Variants in CSMD1 observed in about 807,000 individuals in gnomAD.
CSMD1 encodes the protein CUB and Sushi multiple domains 1.
In CSMD1, 213 loss-of-function variants were observed where a neutral mutation model predicts 417.5. The ratio of observed to expected loss-of-function variants is 0.51; its 90% CI spans 0.46 to 0.57. CSMD1 has a LOEUF of 0.57. Ranked by LOEUF, CSMD1 falls within the 20% of genes least tolerant of loss-of-function variation. The pLI, the probability that CSMD1 is intolerant of heterozygous loss-of-function variation, is 0.00. For synonymous variants in CSMD1, 2,862 were observed against 1,736.8 expected, an observed-to-expected ratio of 1.65 and a Z score of -16.11; for missense variants, 6,923 against 4,529.7, an observed-to-expected ratio of 1.53 and a Z score of -15.17.
At chr8:4,046,886 T>A (rs1278340116) in intron 3 of CSMD1, among the ~76,000 whole-genome samples, 1 of 152,052 alleles carries the variant, frequency 6.6e-6, no homozygotes. Flanking sequence ...AATGTGACAA[T>A]GAGGCCATCT....
intron 25 of CSMD1, among the ~76,000 whole-genome samples, chr8:3,298,911 T>C (rs1411476091): frequency 1.3e-5 from 2 of 152,206 alleles, no homozygotes; most frequent in African/African-American, 4.8e-5. Flanking sequence ...ATGGGGGTGT[T>C]TCTTTTGTGA....
intron 1 of CSMD1, among the ~76,000 whole-genome samples, chr8:4,749,095 G>T (rs1811144157): frequency 6.6e-6 from 1 of 152,210 alleles, no homozygotes; most frequent in Non-Finnish European, 1.5e-5. Context: ...TGCCCATGCA[G>T]TCTCCACTCG....
At chr8:3,946,215 AC>A (rs1811214477) in intron 5 of CSMD1, among the ~76,000 whole-genome samples, 1 of 152,176 alleles carries the variant, frequency 6.6e-6, no homozygotes, top group Non-Finnish European at 1.5e-5. Flanking sequence ...GTTCTAAATG[AC>A]TTGATCTTCC....
At chr8:3,637,555 T>A (rs1362847244) in intron 7 of CSMD1, among the ~76,000 whole-genome samples, 1 of 152,208 alleles carries the variant, frequency 6.6e-6, no homozygotes, top group Non-Finnish European at 1.5e-5. Flanking sequence ...TTTGCTTTTT[T>A]CCTATTTTTT....
intron 69 of CSMD1, among the ~76,000 whole-genome samples, chr8:2,941,502 G>C (rs1563166432): frequency 6.6e-6 from 1 of 152,104 alleles, no homozygotes. Context: ...AGAGTAGTTT[G>C]GCATTTCCAG....
At chr8:3,108,835 T>C (rs1816320274) in intron 43 of CSMD1, 87 bp from the exon 44 acceptor site, 2 of 1,336,132 alleles carry the variant, frequency 1.5e-6, no homozygotes, top group East Asian at 2.5e-5. Flanking sequence ...ATTAATTTTT[T>C]TAATAAAAGC....
intron 1 of CSMD1, among the ~76,000 whole-genome samples, chr8:4,865,793 C>G (rs1444027210): frequency 1.3e-5 from 2 of 151,786 alleles, no homozygotes; most frequent in South Asian, 2.1e-4. Context: ...TATGCATTGC[C>G]CAGTTTTTTA....
At chr8:3,411,564 T>C (rs1038103916) in intron 12 of CSMD1, among the ~76,000 whole-genome samples, 2 of 151,520 alleles carry the variant, frequency 1.3e-5, no homozygotes, top group African/African-American at 4.9e-5. Flanking sequence ...CATTCCTGGG[T>C]TACTTCACTT....
chr8:3,620,462 A>T (rs1802369734), intron 7 of CSMD1, among the ~76,000 whole-genome samples: 1 of 152,194 alleles, frequency 6.6e-6, no homozygotes, highest in Admixed American at 6.5e-5. Flanking sequence ...TAAAATAATT[A>T]TGCATTTACG....
chr8:2,999,418 T>G (rs1456157779), intron 53 of CSMD1, among the ~76,000 whole-genome samples: 1 of 152,134 alleles, frequency 6.6e-6, no homozygotes, highest in Non-Finnish European at 1.5e-5. Flanking sequence ...CCTCCCAAAG[T>G]GCTGGGATTA....
Position 3,801,480 on chromosome 8 carries a change from G to T in CSMD1, c.819-47438C>A, listed in dbSNP as rs1053825140. ...CACTGGACAGATGATAATAGGCACT[G>T]GCAAGGATGTAGAGAATTGGAACCC... On this transcript the variant is annotated intron_variant, in intron 5 of 69. Coordinates refer to ENST00000635120, the MANE Select transcript of CSMD1 (RefSeq NM_033225.6). Among the ~76,000 whole-genome samples the T allele has an allele frequency of 3.3e-5, 5 of 152,120 alleles. No individual in the cohort carries two copies. In the South Asian group the frequency reaches 6.2e-4, roughly 19 times the overall value.
chr8:3,657,763 A>G (rs1436224083), intron 7 of CSMD1, among the ~76,000 whole-genome samples: 2 of 152,122 alleles, frequency 1.3e-5, no homozygotes, highest in African/African-American at 2.4e-5. Context: ...GTTGATGGGC[A>G]CAGCAAACCA....
At chr8:4,041,093 T>G (rs576747778) in intron 3 of CSMD1, among the ~76,000 whole-genome samples, 1 of 142,846 alleles carries the variant, frequency 7.0e-6, no homozygotes, top group African/African-American at 2.6e-5. Context: ...CTCGGCTCAC[T>G]GCAAGCTCCG....
At chr8:4,115,025 G>C (rs142063789) in intron 3 of CSMD1, among the ~76,000 whole-genome samples, 1 of 152,188 alleles carries the variant, frequency 6.6e-6, no homozygotes, top group African/African-American at 2.4e-5. Flanking sequence ...CAGAAGCATG[G>C]TTTGAAAGAA....
chr8:3,951,393 A>C (rs1811590798), intron 5 of CSMD1, among the ~76,000 whole-genome samples: 1 of 152,228 alleles, frequency 6.6e-6, no homozygotes, highest in African/African-American at 2.4e-5. Context: ...AAATGAATGC[A>C]AAAGGCATTT....
At chr8:4,248,152 G>GA (rs1221615109) in intron 3 of CSMD1, among the ~76,000 whole-genome samples, 2 of 151,890 alleles carry the variant, frequency 1.3e-5, no homozygotes, top group Non-Finnish European at 2.9e-5. Flanking sequence ...GTAATTAGAA[G>GA]AAAAAAATTG....
At chr8:4,474,948 A>G (rs1800721476) in intron 2 of CSMD1, among the ~76,000 whole-genome samples, 1 of 152,206 alleles carries the variant, frequency 6.6e-6, no homozygotes, top group South Asian at 2.1e-4. Context: ...GGTTTGTGTT[A>G]TCTGTAAGAT....
chr8:4,197,739 C>G (rs1799421626), intron 3 of CSMD1, among the ~76,000 whole-genome samples: 1 of 152,044 alleles, frequency 6.6e-6, no homozygotes. Flanking sequence ...ATTAGCTGGG[C>G]ATGGTGGTGC....
chr8:4,572,499 C>A (rs566056559), intron 2 of CSMD1, among the ~76,000 whole-genome samples: 1 of 152,196 alleles, frequency 6.6e-6, no homozygotes, highest in African/African-American at 2.4e-5. Context: ...GTTAGTCTGA[C>A]GGGCTTGCCT....
Sources: allele counts gnomAD v4.1 joint callset (sites outside exome capture counted in the v4.1 genomes callset), GRCh38; gene constraint gnomAD v4.1.1; transcripts MANE v1.5; gene names NCBI Gene and HGNC (gene_info 2026-07-23, HGNC 2026-07-21).